NALCN: variants seen among roughly 807,000 people sequenced by gnomAD.
The protein encoded by NALCN is sodium leak channel NALCN.
In NALCN, 111 loss-of-function variants were observed where a neutral mutation model predicts 225.3. The ratio of observed to expected loss-of-function variants is 0.49; its 90% CI spans 0.42 to 0.58. The LOEUF (loss-of-function observed/expected upper bound fraction) is 0.58. Ranked by LOEUF, NALCN falls within the 20% of genes least tolerant of loss-of-function variation. NALCN has a pLI of 0.00. For missense variants in NALCN, 1,378 were observed against 2,202.4 expected (o/e 0.63, Z 7.49); for synonymous variants, 764 against 769.0 (o/e 0.99, Z 0.11).
intron 13 of NALCN, among the ~76,000 whole-genome samples, chr13:101,206,495 A>G (rs2040315381): frequency 6.6e-6 from 1 of 152,002 alleles, no homozygotes; most frequent in South Asian, 2.1e-4. Flanking sequence ...TTGTAAATAT[A>G]ACTAGCATGT....
At chr13:101,137,197 T>C (rs1236940982) in intron 17 of NALCN, among the ~76,000 whole-genome samples, 1 of 152,180 alleles carries the variant, frequency 6.6e-6, no homozygotes, top group African/African-American at 2.4e-5. Context: ...ATTCTTCCCT[T>C]TGAGATACAA....
At chr13:101,276,020 C>T (rs977495285) in intron 10 of NALCN, among the ~76,000 whole-genome samples, 5 of 134,618 alleles carry the variant, frequency 3.7e-5, no homozygotes, top group African/African-American at 1.4e-4. Flanking sequence ...GCCGAGATCG[C>T]ACCAATGCAC....
intron 15 of NALCN, among the ~76,000 whole-genome samples, chr13:101,173,080 CG>C (rs2038809206): frequency 6.6e-6 from 1 of 152,304 alleles, no homozygotes; most frequent in South Asian, 2.1e-4. Context: ...CCTTGAGTGG[CG>C]TTTGCCATCG....
chr13:101,259,088 G>GTA (rs554036638), intron 10 of NALCN, among the ~76,000 whole-genome samples: 1 of 152,158 alleles, frequency 6.6e-6, no homozygotes, highest in Non-Finnish European at 1.5e-5. Context: ...CTTCTAGTAA[G>GTA]TGACATGTAC....
At chr13:101,301,823 T>TAC (rs1400997879) in intron 7 of NALCN, among the ~76,000 whole-genome samples, 1 of 152,152 alleles carries the variant, frequency 6.6e-6, no homozygotes, top group East Asian at 1.9e-4. Context: ...CATTACTTCT[T>TAC]ACCTAGGTAA....
chr13:101,224,764 T>C (rs938982592), intron 13 of NALCN, among the ~76,000 whole-genome samples: 1 of 152,166 alleles, frequency 6.6e-6, no homozygotes, highest in Non-Finnish European at 1.5e-5. Flanking sequence ...TACAACTCTC[T>C]ACAATGCCTT....
At chr13:101,234,141 T>G (rs893271913) in intron 12 of NALCN, among the ~76,000 whole-genome samples, 15 of 152,224 alleles carry the variant, frequency 9.9e-5, no homozygotes, top group Admixed American at 2.0e-4. Context: ...CTTTTTACCC[T>G]GCACACTTCT....
intron 20 of NALCN, among the ~76,000 whole-genome samples, chr13:101,108,967 T>C (rs2035286597): frequency 6.6e-6 from 1 of 152,244 alleles, no homozygotes; most frequent in African/African-American, 2.4e-5. Flanking sequence ...TGGATTTTAC[T>C]ATACTTCTAC....
chr13:101,229,936 A>G (rs2041282150), intron 12 of NALCN, among the ~76,000 whole-genome samples: 1 of 152,228 alleles, frequency 6.6e-6, no homozygotes, highest in African/African-American at 2.4e-5. Context: ...AAATGCTCAA[A>G]AATTTAAAGT....
chr13:101,349,492 T>C (rs1271515960), intron 6 of NALCN, among the ~76,000 whole-genome samples: 1 of 152,144 alleles, frequency 6.6e-6, no homozygotes, highest in South Asian at 2.1e-4. Context: ...TCCTGAATTA[T>C]CCAGGTGGAC....
At chr13:101,160,388 A>G (rs2038120967) in intron 15 of NALCN, among the ~76,000 whole-genome samples, 1 of 152,122 alleles carries the variant, frequency 6.6e-6, no homozygotes. Flanking sequence ...AACAGGAGCC[A>G]TATGAAGGTG....
At chr13:101,382,693 A>C (rs934208492) in intron 3 of NALCN, among the ~76,000 whole-genome samples, 1 of 152,208 alleles carries the variant, frequency 6.6e-6, no homozygotes, top group Non-Finnish European at 1.5e-5. Flanking sequence ...GCATACAAAC[A>C]TCTTAATTTC....
At chr13:101,209,225 C>G (rs1008571015) in intron 13 of NALCN, among the ~76,000 whole-genome samples, 37 of 152,266 alleles carry the variant, frequency 2.4e-4, no homozygotes, top group Admixed American at 2.4e-3. Context: ...CTTGTAAACT[C>G]TCACACATAA....
intron 13 of NALCN, among the ~76,000 whole-genome samples, chr13:101,208,998 A>G (rs1242785417): frequency 6.6e-6 from 1 of 152,164 alleles, no homozygotes; most frequent in Non-Finnish European, 1.5e-5. Flanking sequence ...GCGAACCCTA[A>G]GTCATACACT....
Position 101,141,375 on chromosome 13 carries a change from T to TA in NALCN, c.2118+1704dup, listed in dbSNP as rs549708999. Among the ~76,000 whole-genome samples the TA allele has an allele frequency of 6.7e-4, 100 of 149,136 alleles. 2 individuals are homozygous for TA. The South Asian group carries it at 0.014, about 21-fold the overall frequency. On this transcript the variant is annotated intron_variant, in intron 17 of 43. Coordinates refer to ENST00000251127, the MANE Select transcript of NALCN (RefSeq NM_052867.4). ...TCTACCAACCAAAAGGCTAATTACT[T>TA]AAAAAAAAAATGACATTGGCATCAG...
At chr13:101,306,310 G>A (rs753456277) in intron 7 of NALCN, among the ~76,000 whole-genome samples, 2 of 152,160 alleles carry the variant, frequency 1.3e-5, no homozygotes, top group African/African-American at 2.4e-5. Flanking sequence ...TAGCTCAATG[G>A]CTCCACTTGT....
chr13:101,360,523 G>A lies in NALCN; in HGVS notation c.645-15103C>T, dbSNP rs1389509123. ...GCTGGGATTACAGGCATGAGCCACC[G>A]TGCCCTGCCAGTTTCAGGTATTTCT... is the stretch of plus-strand genomic sequence containing the variant. On this transcript the variant is annotated intron_variant, in intron 6 of 43. Transcript: ENST00000251127. Among the ~76,000 whole-genome samples, 40 of 152,022 alleles carry A rather than the reference G, an allele frequency of 2.6e-4. 1 individual carries two copies. The highest frequency in any genetic ancestry group is 2.4e-3 in the Admixed American group (36 of 15,236).
intron 11 of NALCN, among the ~76,000 whole-genome samples, chr13:101,249,561 C>T (rs867826131): frequency 4.6e-5 from 7 of 152,138 alleles, no homozygotes; most frequent in African/African-American, 1.4e-4. Context: ...AAAAGTAATG[C>T]TATAAAATCA....
rs559045466 is a variant in NALCN at position 101,144,795 on chromosome 13, T to C, written c.1941A>G (p.Ser647=). 6.2e-7 allele frequency: 1 copy of C among 1,612,644 alleles called. No homozygotes were observed. The highest frequency in any genetic ancestry group is 1.7e-5 in the Admixed American group (1 of 59,844). The change falls in exon 16 of 44, where the codon TCA becomes TCG. Residue 647 remains serine, a synonymous_variant. Transcript: ENST00000251127. ...GAACTGTAAAATCTGAAGGAAGCTT[T>C]GAGATTTTCACCATTTGAGGTCTGT... The part of the protein sequence containing the change: ...FPNRPQMVKI[S]KLPSDFTVPK...
Sources: gnomAD v4.1 joint callset for allele counts (sites outside exome capture counted in the v4.1 genomes callset) on GRCh38, gnomAD v4.1.1 for gene constraint, MANE v1.5 for transcripts, NCBI Gene and HGNC (gene_info 2026-07-23, HGNC 2026-07-21) for gene names.